The following ADAD1 variants were observed in gnomAD, a reference collection of about 807,000 sequenced individuals.
The protein encoded by ADAD1 is adenosine deaminase domain containing 1, also known as adenosine deaminase domain-containing protein 1.
In ADAD1, 46 loss-of-function variants were observed where a neutral mutation model predicts 66.8. The ratio of observed to expected loss-of-function variants is 0.69; its 90% CI spans 0.54 to 0.88. ADAD1 has a LOEUF of 0.88. ADAD1 is among the 40% of genes least tolerant of loss of function. The pLI, the probability that ADAD1 is intolerant of heterozygous loss-of-function variation, is 0.00. For synonymous variants in ADAD1, 248 were observed against 229.4 expected, an observed-to-expected ratio of 1.08 and a Z score of -0.73; for missense variants, 617 against 681.8, an observed-to-expected ratio of 0.91 and a Z score of 1.06.
At chr4:122,426,406 T>C (rs1284438282) in intron 12 of ADAD1, among the ~76,000 whole-genome samples, 2 of 152,178 alleles carry the variant, frequency 1.3e-5, no homozygotes, top group Non-Finnish European at 2.9e-5. Context: ...GTCAAACATA[T>C]AAGCAAACTA....
intron 3 of ADAD1, chr4:122,380,488 C>A: frequency 2.1e-6 from 1 of 480,048 alleles, no homozygotes; most frequent in Admixed American, 3.9e-5. Context: ...TGTGGCTTGC[C>A]TTTCTGAGGT....
chr4:122,391,227 G>T lies in ADAD1; in HGVS notation c.530-2362G>T, dbSNP rs543834517. ...GGGAGGCTGGAGAACAGCAAAGATG[G>T]GTGCCTGCTCCTCCCTCTGGGGCCT... On this transcript the variant is annotated intron_variant, in intron 5 of 12. Coordinates refer to ENST00000296513, the MANE Select transcript of ADAD1 (RefSeq NM_139243.4). Among the ~76,000 whole-genome samples the T allele has an allele frequency of 5.8e-4, 89 of 152,230 alleles. No homozygotes were observed. The Middle Eastern group carries it at 0.01, about 17-fold the overall frequency.
chr4:122,380,879 A>T, intron 3 of ADAD1, 113 bp from the exon 4 acceptor site: 1 of 948,288 alleles, frequency 1.1e-6, no homozygotes, highest in East Asian at 2.8e-5. Context: ...TAAGAAAAAC[A>T]TATGATGAAG....
At chr4:122,423,761 A>C (rs1797113332) in intron 12 of ADAD1, among the ~76,000 whole-genome samples, 1 of 152,230 alleles carries the variant, frequency 6.6e-6, no homozygotes, top group Non-Finnish European at 1.5e-5. Flanking sequence ...AAGAATGCAT[A>C]GGCCCCATAT....
chr4:122,412,518 A>G, intron 9 of ADAD1, 62 bp from the exon 10 acceptor site: 2 of 1,340,736 alleles, frequency 1.5e-6, no homozygotes, highest in Non-Finnish European at 2.1e-6. Flanking sequence ...TGTTAGGTAC[A>G]GGTAGATTTT....
chr4:122,399,077 T>A (rs1334002374), intron 7 of ADAD1, among the ~76,000 whole-genome samples: 3 of 152,350 alleles, frequency 2.0e-5, no homozygotes, highest in South Asian at 2.1e-4. Context: ...TCCAATGTTA[T>A]CTTCTAGAAT....
chr4:122,408,066 G>A lies in ADAD1; in HGVS notation c.848+35G>A, dbSNP rs757275029. The A allele has an allele frequency of 8.2e-6, 13 of 1,580,848 alleles. 1 individual carries two copies. In the South Asian group the frequency reaches 1.5e-4, roughly 18 times the overall value. ...TACATATATTAATGTTATTAAATATGAATGCCCTCAGCCCAAAGTAACTTC... is the reference window on the plus strand; with the variant it reads ...TACATATATTAATGTTATTAAATATAAATGCCCTCAGCCCAAAGTAACTTC... On this transcript the variant is annotated intron_variant, in intron 8 of 12. Coordinates refer to ENST00000296513, the MANE Select transcript of ADAD1 (RefSeq NM_139243.4).
intron 8 of ADAD1, among the ~76,000 whole-genome samples, chr4:122,410,794 C>G (rs907478353): frequency 6.6e-6 from 1 of 152,066 alleles, no homozygotes; most frequent in Non-Finnish European, 1.5e-5. Context: ...GGAGCAGGGA[C>G]CACAGTTTTT....
intron 10 of ADAD1, among the ~76,000 whole-genome samples, chr4:122,414,854 G>C (rs999057301): frequency 9.2e-5 from 14 of 152,038 alleles, no homozygotes; most frequent in African/African-American, 2.9e-4. Context: ...AGAATTCAAA[G>C]CTTTTGGTAT....
intron 8 of ADAD1, among the ~76,000 whole-genome samples, chr4:122,410,485 A>T (rs987385192): frequency 6.6e-6 from 1 of 152,178 alleles, no homozygotes; most frequent in African/African-American, 2.4e-5. Context: ...TTAGAAAAAA[A>T]AATTTGAATT....
chr4:122,408,955 G>GTCAT, intron 8 of ADAD1, among the ~76,000 whole-genome samples: 1 of 152,066 alleles, frequency 6.6e-6, no homozygotes, highest in Admixed American at 6.6e-5. Context: ...AAAGTTACTG[G>GTCAT]AAAGTGTAGC....
intron 12 of ADAD1, among the ~76,000 whole-genome samples, chr4:122,424,921 GTTTATA>G (rs926394034): frequency 9.2e-5 from 14 of 152,172 alleles, no homozygotes; most frequent in African/African-American, 1.4e-4. Context: ...CAGCTGGAAT[GTTTATA>G]TTAATATTAA....
rs1452297962 is a variant in ADAD1 at position 122,380,135 on chromosome 4, G to T, written c.66G>T (p.Lys22Asn). The T allele has an allele frequency of 6.2e-7, 1 of 1,614,158 alleles. No individual in the cohort carries two copies. The highest frequency in any genetic ancestry group is 1.1e-5 in the South Asian group (1 of 91,072). The stretch of plus-strand genomic sequence containing the variant: ...CCAGCTTTGCCCAGATGCTGAAAAA[G>T]AACCTGCCAGTTCAACCAGCGACAA... ...QVPSFAQMLK[K>N]NLPVQPATKT... Residue 22 changes from lysine to asparagine, a missense_variant, in exon 3 of 13, where the codon AAG (lysine) becomes AAT (asparagine). Transcript: ENST00000296513.
In ADAD1 at chr4:122,396,372, A is replaced by G; in HGVS notation, c.719A>G (p.Glu240Gly). The part of the protein sequence containing the change: ...YSSSLAAFII[E>G]RAGQHEVVAI... ...AGTTCATTGGCTGCTTTTATAATTGAAAGAGGTAAGTCCACATATTTGGGA... is the reference window on the plus strand; with the variant it reads ...AGTTCATTGGCTGCTTTTATAATTGGAAGAGGTAAGTCCACATATTTGGGA... The change falls in exon 7 of 13, where the codon GAA becomes GGA. Residue 240 changes from glutamate to glycine, a missense_variant. Glu to Gly is a moderately conservative substitution (Grantham distance 98). Coordinates refer to ENST00000296513, the MANE Select transcript of ADAD1 (RefSeq NM_139243.4). 1 of 1,579,700 alleles carries G rather than the reference A, an allele frequency of 6.3e-7. No individual in the cohort carries two copies. The highest frequency in any genetic ancestry group is 1.2e-5 in the South Asian group (1 of 83,586).
At chr4:122,409,365 T>A (rs2150576993) in intron 8 of ADAD1, among the ~76,000 whole-genome samples, 1 of 152,278 alleles carries the variant, frequency 6.6e-6, no homozygotes, top group Non-Finnish European at 1.5e-5. Flanking sequence ...AAATTAGGAA[T>A]TCTTTTTTAA....
chr4:122,384,735 T>C (rs1182145222), intron 5 of ADAD1, among the ~76,000 whole-genome samples: 1 of 152,214 alleles, frequency 6.6e-6, no homozygotes, highest in East Asian at 1.9e-4. Context: ...TATGTAGGGC[T>C]AGCGAATGTT....
chr4:122,401,711 T>A (rs1795990423), intron 7 of ADAD1, among the ~76,000 whole-genome samples: 1 of 152,098 alleles, frequency 6.6e-6, no homozygotes. Context: ...ATTATGATAT[T>A]TTCTTGTTGG....
intron 7 of ADAD1, among the ~76,000 whole-genome samples, chr4:122,403,155 T>G (rs999754276): frequency 2.6e-5 from 4 of 152,242 alleles, no homozygotes; most frequent in African/African-American, 9.6e-5. Flanking sequence ...AGGCCTGCTC[T>G]TCACATTCTT....
At chr4:122,421,440 T>C (rs756163944) in intron 12 of ADAD1, 50 bp downstream of exon 12, 3 of 1,397,530 alleles carry the variant, frequency 2.1e-6, no homozygotes, top group South Asian at 3.6e-5. Flanking sequence ...TTTAAGACAT[T>C]AATGTGGTCA....
Sources: allele counts gnomAD v4.1 joint callset (sites outside exome capture counted in the v4.1 genomes callset), GRCh38; gene constraint gnomAD v4.1.1; transcripts MANE v1.5; gene names NCBI Gene and HGNC (gene_info 2026-07-23, HGNC 2026-07-21).